The following OPHN1 variants were observed in gnomAD, a reference collection of about 807,000 sequenced individuals.
OPHN1 encodes the protein oligophrenin-1.
A neutral mutation model predicts 60.7 loss-of-function variants in OPHN1; 11 were observed. That is an observed-to-expected ratio of 0.18 (90% CI 0.11 to 0.30). The LOEUF (loss-of-function observed/expected upper bound fraction) is 0.30. OPHN1 is among the 10% of genes least tolerant of loss of function. OPHN1 has a pLI of 1.00. For missense variants in OPHN1, 449 were observed against 611.0 expected (o/e 0.73, Z 2.80); for synonymous variants, 226 against 222.6 (o/e 1.02, Z -0.14).
chrX:68,318,084 C>CA (rs1428258921), intron 2 of OPHN1, among the ~76,000 whole-genome samples: 5 of 111,882 alleles, frequency 4.5e-5, no homozygotes, highest in Admixed American at 3.8e-4. Context: ...CTGCCCCATA[C>CA]AAAATCAACA....
intron 15 of OPHN1, among the ~76,000 whole-genome samples, chrX:68,138,245 A>T (rs2077229036): frequency 8.9e-6 from 1 of 112,182 alleles, no homozygotes; most frequent in Non-Finnish European, 1.9e-5. Flanking sequence ...GTTGGAAGAG[A>T]GGTTGTAAGA....
intron 15 of OPHN1, among the ~76,000 whole-genome samples, chrX:68,165,466 G>A (rs910188689): frequency 9.0e-6 from 1 of 111,275 alleles, no homozygotes; most frequent in African/African-American, 3.3e-5. Context: ...AGGAACTACT[G>A]ATTGGCAGAG....
chrX:68,406,313 A>T (rs1180790110), intron 2 of OPHN1, among the ~76,000 whole-genome samples: 2 of 111,299 alleles, frequency 1.8e-5, no homozygotes. Flanking sequence ...TATCAGTGTT[A>T]AATTTCCTGA....
At chrX:68,284,819 C>A (rs750317425) in intron 3 of OPHN1, among the ~76,000 whole-genome samples, 6 of 111,778 alleles carry the variant, frequency 5.4e-5, no homozygotes, top group African/African-American at 1.6e-4. Context: ...CTGGTTTATG[C>A]AACCATGAAC....
At chrX:68,374,443 G>GGTTTT (rs983217014) in intron 2 of OPHN1, among the ~76,000 whole-genome samples, 8 of 110,436 alleles carry the variant, frequency 7.2e-5, no homozygotes, top group African/African-American at 2.3e-4. Flanking sequence ...GAGGATTTGG[G>GGTTTT]GTTTTGTTTT....
chrX:68,191,734 T>C (rs1602224876), intron 15 of OPHN1, among the ~76,000 whole-genome samples: 1 of 111,717 alleles, frequency 9.0e-6, no homozygotes, highest in African/African-American at 3.3e-5. Context: ...GAAGTCTTGC[T>C]CAGCTGAAGA....
At chrX:68,250,082 G>A (rs2077825834) in intron 5 of OPHN1, among the ~76,000 whole-genome samples, 1 of 112,075 alleles carries the variant, frequency 8.9e-6, no homozygotes, top group Non-Finnish European at 1.9e-5. Context: ...GATACATGGG[G>A]TCACTGGCTC....
intron 15 of OPHN1, among the ~76,000 whole-genome samples, chrX:68,133,948 T>C (rs1486307960): frequency 9.0e-6 from 1 of 110,900 alleles, no homozygotes; most frequent in Admixed American, 9.7e-5. Context: ...GCGGACGTGC[T>C]TGGATCACCT....
intron 15 of OPHN1, among the ~76,000 whole-genome samples, chrX:68,157,675 G>A (rs1053860868): frequency 8.3e-5 from 9 of 108,799 alleles, no homozygotes; most frequent in African/African-American, 1.7e-4. Flanking sequence ...ACCTGCCCAC[G>A]CACCCCCTGT....
At chrX:68,241,013 G>A (rs1263979487) in intron 5 of OPHN1, among the ~76,000 whole-genome samples, 2 of 111,440 alleles carry the variant, frequency 1.8e-5, no homozygotes, top group Non-Finnish European at 3.8e-5. Flanking sequence ...AATATGGAAT[G>A]TTTTATCATT....
intron 6 of OPHN1, among the ~76,000 whole-genome samples, chrX:68,233,800 CA>C (rs769473368): frequency 1.8e-5 from 2 of 111,740 alleles, no homozygotes; most frequent in East Asian, 5.6e-4. Flanking sequence ...CACATCCAAA[CA>C]TAAGTCTTCT....
intron 21 of OPHN1, among the ~76,000 whole-genome samples, chrX:68,061,386 G>A (rs181407030): frequency 3.8e-4 from 42 of 111,316 alleles, no homozygotes; most frequent in African/African-American, 1.2e-3. Flanking sequence ...TGTGTGCGCT[G>A]AGCTGATAGA....
intron 15 of OPHN1, among the ~76,000 whole-genome samples, chrX:68,130,581 T>C (rs1035875845): frequency 3.8e-4 from 42 of 111,459 alleles, no homozygotes; most frequent in African/African-American, 1.2e-3. Context: ...TTTTTAACCA[T>C]ATGGAAAATA....
chrX:68,124,082 G>A (rs2077160261), intron 15 of OPHN1, among the ~76,000 whole-genome samples: 1 of 110,798 alleles, frequency 9.0e-6, no homozygotes, highest in African/African-American at 3.3e-5. Context: ...AAAGAACAGA[G>A]TAGCTATACC....
At chrX:68,405,101 G>A (rs1046485141) in intron 2 of OPHN1, among the ~76,000 whole-genome samples, 6 of 112,213 alleles carry the variant, frequency 5.3e-5, no homozygotes, top group African/African-American at 1.3e-4. Context: ...AAAAGAATTC[G>A]TATGTGATGC....
intron 5 of OPHN1, among the ~76,000 whole-genome samples, chrX:68,266,377 C>T (rs2077927140): frequency 9.0e-6 from 1 of 111,665 alleles, no homozygotes; most frequent in African/African-American, 3.3e-5. Flanking sequence ...CAATATTCAA[C>T]ATTCTTAAGG....
At chrX:68,393,885 GTTTTTTTTTT>G (rs1163192446) in intron 2 of OPHN1, among the ~76,000 whole-genome samples, 1 of 34,587 alleles carries the variant, frequency 2.9e-5, no homozygotes, top group Non-Finnish European at 4.9e-5. Context: ...AATAGACTTT[GTTTTTTTTTT>G]TTTTTTTTTT....
intron 6 of OPHN1, among the ~76,000 whole-genome samples, chrX:68,219,560 C>A (rs1285530493): frequency 3.6e-5 from 4 of 109,982 alleles, no homozygotes; most frequent in African/African-American, 1.3e-4. Context: ...TGTAAAAGAA[C>A]AGAAATTATA....
chrX:68,343,444 A>G (rs948658791), intron 2 of OPHN1, among the ~76,000 whole-genome samples: 1 of 110,045 alleles, frequency 9.1e-6, no homozygotes, highest in Non-Finnish European at 1.9e-5. Context: ...TTAGCCAGAC[A>G]TGGTCGCGTG....
Sources: gnomAD v4.1 joint callset for allele counts (sites outside exome capture counted in the v4.1 genomes callset) on GRCh38, gnomAD v4.1.1 for gene constraint, MANE v1.5 for transcripts, NCBI Gene and HGNC (gene_info 2026-07-23, HGNC 2026-07-21) for gene names.